The following CHD6 variants were observed in gnomAD, a reference collection of about 807,000 sequenced individuals.
CHD6 encodes the protein ATP-dependent chromatin remodeler CHD6.
A neutral mutation model predicts 276.9 loss-of-function variants in CHD6; 50 were observed. The observed-to-expected ratio is 0.18, with a 90% confidence interval of 0.14 to 0.23. CHD6 has a LOEUF of 0.23. Among genes scored for constraint, CHD6 ranks in the 10% least tolerant of loss-of-function variants. The probability of loss-of-function intolerance (pLI) is 1.00; values close to 1 mark genes in which losing one functional copy is unlikely to be tolerated. For synonymous variants in CHD6, 1,173 were observed against 1,229.3 expected, an observed-to-expected ratio of 0.95 and a Z score of 0.96; for missense variants, 2,564 against 3,365.8, an observed-to-expected ratio of 0.76 and a Z score of 5.89.
chr20:41,601,992 C>T (rs987876267), intron 1 of CHD6, among the ~76,000 whole-genome samples: 1 of 152,212 alleles, frequency 6.6e-6, no homozygotes, highest in Non-Finnish European at 1.5e-5. Context: ...CACACAGGGC[C>T]TCCCTCTGGC....
chr20:41,542,670 G>A (rs1211367848), intron 2 of CHD6, among the ~76,000 whole-genome samples: 1 of 149,960 alleles, frequency 6.7e-6, no homozygotes, highest in Admixed American at 6.6e-5. Flanking sequence ...TCCAGCCTGG[G>A]CGACAGAGCG....
At chr20:41,505,308 C>T (rs917143174) in intron 5 of CHD6, among the ~76,000 whole-genome samples, 8 of 152,190 alleles carry the variant, frequency 5.3e-5, no homozygotes, top group Non-Finnish European at 1.2e-4. Flanking sequence ...GAACTCCTAG[C>T]TTCCTGGGAT....
intron 15 of CHD6, 69 bp downstream of exon 15, chr20:41,484,283 T>C: frequency 6.4e-7 from 1 of 1,554,100 alleles, no homozygotes. Flanking sequence ...ACATGAGTTA[T>C]TTGATTATCA....
chr20:41,585,407 G>A (rs962748200), intron 1 of CHD6, among the ~76,000 whole-genome samples: 1 of 151,666 alleles, frequency 6.6e-6, no homozygotes, highest in African/African-American at 2.4e-5. Context: ...GGCTGAGGCA[G>A]GAGAATTGCT....
intron 1 of CHD6, among the ~76,000 whole-genome samples, chr20:41,591,377 T>TACACACACACACAC (rs879822257): frequency 7.3e-5 from 9 of 122,910 alleles, no homozygotes; most frequent in East Asian, 2.5e-4. Context: ...TATATATATA[T>TACACACACACACAC]ATACACACAC....
rs1409618513 is a variant in CHD6 at position 41,555,356 on chromosome 20, G to A, written c.-23-3996C>T. On this transcript the variant is annotated intron_variant, in intron 1 of 36. Coordinates refer to ENST00000373233, the MANE Select transcript of CHD6 (RefSeq NM_032221.5). ...TCCCGGACGGGGCGGCCGGCCGGGC[G>A]GGGGGCCGACCCCCCCACCTCCCTC... Among the ~76,000 whole-genome samples the A allele has an allele frequency of 2.6e-3, 379 of 146,632 alleles. 2 individuals carry two copies. Among genetic ancestry groups the A allele is most frequent in the African/African-American group, 8.5e-3 (337 of 39,848 alleles).
At chr20:41,437,843 G>T (rs891896531) in intron 26 of CHD6, among the ~76,000 whole-genome samples, 2 of 152,164 alleles carry the variant, frequency 1.3e-5, no homozygotes, top group African/African-American at 4.8e-5. Context: ...CTCCCTTGTG[G>T]GAGAATTCAA....
At chr20:41,569,143 C>G (rs555165624) in intron 1 of CHD6, among the ~76,000 whole-genome samples, 90 of 152,290 alleles carry the variant, frequency 5.9e-4, no homozygotes, top group Admixed American at 1.6e-3. Context: ...ACAGAAAGCT[C>G]TGGGTGAATG....
intron 1 of CHD6, among the ~76,000 whole-genome samples, chr20:41,604,327 TAAA>T (rs1186665718): frequency 1.3e-5 from 2 of 151,970 alleles, no homozygotes; most frequent in Non-Finnish European, 2.9e-5. Context: ...GGAAGGAGTA[TAAA>T]ACTAGAAGGA....
At chr20:41,584,647 A>G (rs1030586781) in intron 1 of CHD6, among the ~76,000 whole-genome samples, 1 of 152,208 alleles carries the variant, frequency 6.6e-6, no homozygotes, top group African/African-American at 2.4e-5. Flanking sequence ...ATTAAATTTG[A>G]AATTAACAGA....
At position 41,488,910 on chromosome 20, in the gene CHD6, T is replaced by C. The variant is rs543400546; in HGVS notation, c.1681-306A>G. On this transcript the variant is annotated intron_variant, in intron 12 of 36. Transcript: ENST00000373233. ...TAGCTGTCATGATAAGGAAATCAGATAGGTGTTGTTCACAAGTCCCCAGCC... is the reference window on the plus strand; with the variant it reads ...TAGCTGTCATGATAAGGAAATCAGACAGGTGTTGTTCACAAGTCCCCAGCC... Among the ~76,000 whole-genome samples the C allele has an allele frequency of 2.4e-4, 36 of 152,354 alleles. 1 individual carries two copies. The East Asian group carries it at 6.4e-3, about 27-fold the overall frequency.
At chr20:41,513,452 T>C (rs992337752) in intron 4 of CHD6, among the ~76,000 whole-genome samples, 18 of 152,224 alleles carry the variant, frequency 1.2e-4, no homozygotes, top group East Asian at 5.8e-4. Context: ...CACATACTTC[T>C]AAAAATGTAG....
chr20:41,505,441 A>C (rs1463279260), intron 5 of CHD6, among the ~76,000 whole-genome samples: 1 of 152,092 alleles, frequency 6.6e-6, no homozygotes, highest in Non-Finnish European at 1.5e-5. Flanking sequence ...TTTCTCTTCT[A>C]TCCAGAACAG....
chr20:41,430,001 CTTCT>C (rs1406477249), intron 27 of CHD6, among the ~76,000 whole-genome samples: 2 of 152,324 alleles, frequency 1.3e-5, no homozygotes, highest in East Asian at 3.9e-4. Context: ...ATGCTTTGGG[CTTCT>C]TTAACTCTGC....
At chr20:41,408,692 G>A (rs935693410) in intron 36 of CHD6, among the ~76,000 whole-genome samples, 4 of 152,158 alleles carry the variant, frequency 2.6e-5, no homozygotes, top group African/African-American at 9.7e-5. Flanking sequence ...GAAAGATACT[G>A]GGGAGTGTCT....
intron 1 of CHD6, among the ~76,000 whole-genome samples, chr20:41,595,899 C>A (rs1227876939): frequency 6.6e-6 from 1 of 151,974 alleles, no homozygotes; most frequent in East Asian, 1.9e-4. Context: ...AGGAAATAGA[C>A]TATGCCCTGT....
intron 16 of CHD6, among the ~76,000 whole-genome samples, chr20:41,478,317 C>T (rs1335808581): frequency 6.6e-6 from 1 of 152,144 alleles, no homozygotes; most frequent in African/African-American, 2.4e-5. Flanking sequence ...CCTAACACAC[C>T]AACCCTCTAG....
intron 17 of CHD6, among the ~76,000 whole-genome samples, chr20:41,457,780 C>T (rs1389573024): frequency 6.6e-6 from 1 of 152,198 alleles, no homozygotes; most frequent in Non-Finnish European, 1.5e-5. Context: ...TGCTTCAGAG[C>T]TGGTAGCACT....
chr20:41,547,550 T>A, intron 2 of CHD6: 1 of 486,198 alleles, frequency 2.1e-6, no homozygotes, highest in Non-Finnish European at 4.1e-6. Context: ...AAAAGGTTGA[T>A]GATGACATTG....
Sources: allele counts gnomAD v4.1 joint callset (sites outside exome capture counted in the v4.1 genomes callset), GRCh38; gene constraint gnomAD v4.1.1; transcripts MANE v1.5; gene names NCBI Gene and HGNC (gene_info 2026-07-23, HGNC 2026-07-21).